GLI3: variants seen among roughly 807,000 people sequenced by gnomAD.
GLI3 encodes GLI family zinc finger 3.
In GLI3, 20 loss-of-function variants were observed where a neutral mutation model predicts 100.8. That is an observed-to-expected ratio of 0.20 (90% CI 0.14 to 0.29). The LOEUF (loss-of-function observed/expected upper bound fraction) is 0.29, where lower values mean the gene tolerates loss of function less well. Among genes scored for constraint, GLI3 ranks in the 10% least tolerant of loss-of-function variants. The probability of loss-of-function intolerance (pLI) is 1.00; values close to 1 mark genes in which losing one functional copy is unlikely to be tolerated. For missense variants in GLI3, 2,040 were observed against 2,128.5 expected, an observed-to-expected ratio of 0.96 and a Z score of 0.82; for synonymous variants, 938 against 860.5, an observed-to-expected ratio of 1.09 and a Z score of -1.58.
At chr7:41,985,696 T>C (rs1260387512) in intron 10 of GLI3, among the ~76,000 whole-genome samples, 1 of 152,200 alleles carries the variant, frequency 6.6e-6, no homozygotes, top group Admixed American at 6.5e-5. Context: ...CCCTCCAGTT[T>C]TGTGTATTAC....
intron 3 of GLI3, among the ~76,000 whole-genome samples, chr7:42,136,097 T>C (rs1366025400): frequency 6.6e-6 from 1 of 152,238 alleles, no homozygotes; most frequent in Non-Finnish European, 1.5e-5. Flanking sequence ...GGCCAGATAC[T>C]GGCTTGTATT....
intron 1 of GLI3, among the ~76,000 whole-genome samples, chr7:42,252,436 C>A (rs1409474828): frequency 6.6e-6 from 1 of 152,092 alleles, no homozygotes; most frequent in African/African-American, 2.4e-5. Flanking sequence ...CCATGACACA[C>A]GTTTACCTTT....
intron 10 of GLI3, among the ~76,000 whole-genome samples, chr7:41,999,906 A>G (rs1583774345): frequency 6.6e-6 from 1 of 152,328 alleles, no homozygotes. Context: ...AGGGCCTCAG[A>G]CCAGCAGGGG....
At chr7:42,099,761 C>T (rs2128761138) in intron 3 of GLI3, among the ~76,000 whole-genome samples, 1 of 152,338 alleles carries the variant, frequency 6.6e-6, no homozygotes, top group South Asian at 2.1e-4. Flanking sequence ...GTACTTGTGG[C>T]CTCAAGTGAT....
At chr7:42,165,278 T>C (rs1787219092) in intron 2 of GLI3, among the ~76,000 whole-genome samples, 1 of 152,158 alleles carries the variant, frequency 6.6e-6, no homozygotes. Context: ...ATAGTGTCCC[T>C]GCATCCCTAC....
At chr7:42,149,566 C>T (rs560429878) in intron 2 of GLI3, among the ~76,000 whole-genome samples, 1 of 152,280 alleles carries the variant, frequency 6.6e-6, no homozygotes, top group African/African-American at 2.4e-5. Context: ...CACATTTAAT[C>T]AACAGACTGT....
intron 3 of GLI3, among the ~76,000 whole-genome samples, chr7:42,085,075 C>T (rs1249440187): frequency 6.6e-6 from 1 of 151,846 alleles, no homozygotes; most frequent in East Asian, 1.9e-4. Flanking sequence ...CCACGCCCGG[C>T]TAATTTTTGT....
intron 3 of GLI3, among the ~76,000 whole-genome samples, chr7:42,088,877 C>T (rs1785159198): frequency 6.6e-6 from 1 of 152,190 alleles, no homozygotes; most frequent in Admixed American, 6.5e-5. Flanking sequence ...GCCTCAAGCT[C>T]TCTTGCGCAC....
intron 10 of GLI3, among the ~76,000 whole-genome samples, chr7:41,994,850 T>C (rs761918391): frequency 2.5e-4 from 38 of 152,252 alleles, no homozygotes; most frequent in Admixed American, 6.5e-4. Context: ...TTAAAATCTT[T>C]CATTTGACAC....
intron 1 of GLI3, among the ~76,000 whole-genome samples, chr7:42,236,668 C>T (rs963028216): frequency 3.9e-5 from 6 of 152,090 alleles, no homozygotes; most frequent in Non-Finnish European, 8.8e-5. Context: ...GGGGCGGAGG[C>T]GAGGGGCGCC....
chr7:42,031,770 C>G (rs1028382934), intron 7 of GLI3, among the ~76,000 whole-genome samples: 4 of 152,142 alleles, frequency 2.6e-5, no homozygotes, highest in African/African-American at 9.7e-5. Context: ...GATGCAGGGT[C>G]TAAATAAGGA....
At chr7:42,017,100 G>A (rs1788785770) in intron 10 of GLI3, among the ~76,000 whole-genome samples, 1 of 152,174 alleles carries the variant, frequency 6.6e-6, no homozygotes, top group South Asian at 2.1e-4. Flanking sequence ...ACTAATGTTG[G>A]CTTGTACTTT....
intron 2 of GLI3, among the ~76,000 whole-genome samples, chr7:42,215,503 C>T (rs948504013): frequency 3.3e-5 from 5 of 152,086 alleles, no homozygotes; most frequent in Admixed American, 1.3e-4. Flanking sequence ...ACCATTTCGC[C>T]GCTTAAGCAT....
chr7:42,042,236 G>A (rs562082856), intron 6 of GLI3, among the ~76,000 whole-genome samples: 10 of 152,012 alleles, frequency 6.6e-5, no homozygotes, highest in African/African-American at 2.2e-4. Context: ...GGATGGTCTC[G>A]ATCTCTTGAC....
chr7:42,125,661 C>G (rs931988283), intron 3 of GLI3, among the ~76,000 whole-genome samples: 2 of 152,194 alleles, frequency 1.3e-5, no homozygotes, highest in African/African-American at 4.8e-5. Context: ...AGTTCTCACT[C>G]CTGACTCACT....
intron 10 of GLI3, among the ~76,000 whole-genome samples, chr7:41,981,130 A>G (rs1317695393): frequency 2.0e-5 from 3 of 152,160 alleles, no homozygotes; most frequent in African/African-American, 4.8e-5. Context: ...GATGACACAG[A>G]AGTACCTGCA....
At chr7:42,010,175 A>ACTTCTGCTGGTCCTGGG (rs1457374763) in intron 10 of GLI3, among the ~76,000 whole-genome samples, 1 of 152,180 alleles carries the variant, frequency 6.6e-6, no homozygotes, top group Non-Finnish European at 1.5e-5. Context: ...GCCAGGATTG[A>ACTTCTGCTGGTCCTGGG]CACTCGGAGC....
At chr7:41,998,672 A>C (rs772974829) in intron 10 of GLI3, among the ~76,000 whole-genome samples, 1 of 152,214 alleles carries the variant, frequency 6.6e-6, no homozygotes, top group Non-Finnish European at 1.5e-5. Context: ...AATGGTGTTA[A>C]CATTGGCTCA....
At chr7:42,032,099 T>C (rs846335) in intron 7 of GLI3, among the ~76,000 whole-genome samples, 94,730 of 151,972 alleles carry the variant, frequency 0.62, 31,310 homozygotes, top group African/African-American at 0.86. Flanking sequence ...CTATACCCAA[T>C]AGGGCTAAAC....
Sources: gnomAD v4.1 joint callset for allele counts (sites outside exome capture counted in the v4.1 genomes callset) on GRCh38, gnomAD v4.1.1 for gene constraint, MANE v1.5 for transcripts, NCBI Gene and HGNC (gene_info 2026-07-23, HGNC 2026-07-21) for gene names.